ADCY2: variants seen among roughly 807,000 people sequenced by gnomAD.
ADCY2 encodes adenylate cyclase 2, also known as adenylate cyclase type 2.
ADCY2 carries 31 observed loss-of-function variants against 125.2 expected under a neutral mutation model. The observed-to-expected ratio is 0.25, with a 90% CI of 0.19 to 0.33. The LOEUF is 0.33. Ranked by LOEUF, ADCY2 falls within the 10% of genes least tolerant of loss-of-function variation. The pLI, the probability that ADCY2 is intolerant of heterozygous loss-of-function variation, is 1.00. For synonymous variants in ADCY2, 512 were observed against 548.4 expected (o/e 0.93, Z 0.93); for missense variants, 904 against 1,418.2 (o/e 0.64, Z 5.82).
intron 6 of ADCY2, among the ~76,000 whole-genome samples, chr5:7,697,821 G>A (rs939213024): frequency 1.3e-5 from 2 of 152,132 alleles, no homozygotes; most frequent in Admixed American, 1.3e-4. Context: ...GAAACCATAA[G>A]CACAGTAGGG....
chr5:7,732,463 G>A (rs1300410537), intron 14 of ADCY2, among the ~76,000 whole-genome samples: 6 of 152,162 alleles, frequency 3.9e-5, no homozygotes. Flanking sequence ...TTAGTCCCTG[G>A]TTTCTCCTGG....
chr5:7,623,411 A>G (rs540465390), intron 3 of ADCY2, among the ~76,000 whole-genome samples: 1 of 152,334 alleles, frequency 6.6e-6, no homozygotes, highest in African/African-American at 2.4e-5. Context: ...AAGCATATCC[A>G]GCAATGACAA....
chr5:7,733,886 G>A (rs1368237191), intron 14 of ADCY2, among the ~76,000 whole-genome samples: 2 of 152,150 alleles, frequency 1.3e-5, no homozygotes, highest in Non-Finnish European at 2.9e-5. Context: ...GAACCTTCAA[G>A]TGTCCATAAC....
intron 3 of ADCY2, among the ~76,000 whole-genome samples, chr5:7,537,260 A>G (rs896700289): frequency 6.6e-6 from 1 of 152,268 alleles, no homozygotes; most frequent in African/African-American, 2.4e-5. Context: ...TGATTTATAC[A>G]TAATTTAAAA....
intron 4 of ADCY2, among the ~76,000 whole-genome samples, chr5:7,639,151 A>T (rs1043103764): frequency 3.3e-5 from 5 of 152,222 alleles, no homozygotes; most frequent in African/African-American, 1.2e-4. Context: ...GGACTAATAC[A>T]GGTGACAATG....
intron 4 of ADCY2, among the ~76,000 whole-genome samples, chr5:7,661,806 G>T (rs537311670): frequency 6.6e-6 from 1 of 152,286 alleles, no homozygotes; most frequent in East Asian, 1.9e-4. Flanking sequence ...TTATTTGGAA[G>T]ATTTTTAACT....
intron 4 of ADCY2, among the ~76,000 whole-genome samples, chr5:7,647,538 G>T (rs1390618231): frequency 2.0e-5 from 3 of 152,070 alleles, no homozygotes; most frequent in Non-Finnish European, 4.4e-5. Flanking sequence ...CAAAATTCAT[G>T]TACCATACAC....
intron 3 of ADCY2, among the ~76,000 whole-genome samples, chr5:7,532,571 T>A (rs1361830000): frequency 6.6e-6 from 1 of 152,240 alleles, no homozygotes; most frequent in Admixed American, 6.5e-5. Context: ...TTAAGCTTTC[T>A]CCTAGCTTTT....
intron 4 of ADCY2, among the ~76,000 whole-genome samples, chr5:7,641,733 T>C (rs1269317989): frequency 1.3e-5 from 2 of 152,128 alleles, no homozygotes; most frequent in Non-Finnish European, 2.9e-5. Flanking sequence ...TGTCCATGAG[T>C]ACCCAATGTT....
intron 18 of ADCY2, among the ~76,000 whole-genome samples, chr5:7,779,270 G>A (rs1743837687): frequency 1.3e-5 from 2 of 152,160 alleles, no homozygotes; most frequent in Admixed American, 1.3e-4. Context: ...AATGTCCTGT[G>A]GTTTGGACTC....
intron 24 of ADCY2, among the ~76,000 whole-genome samples, chr5:7,823,567 T>G (rs1247440380): frequency 6.6e-6 from 1 of 152,152 alleles, no homozygotes; most frequent in Non-Finnish European, 1.5e-5. Context: ...ACTCCTGCAA[T>G]CCTGGACAAC....
chr5:7,759,641 G>A (rs978547429), intron 16 of ADCY2, among the ~76,000 whole-genome samples: 2 of 152,224 alleles, frequency 1.3e-5, no homozygotes, highest in East Asian at 1.9e-4. Context: ...CCCTCTGGGG[G>A]AGGAGGCCTC....
At chr5:7,413,550 G>C (rs1306265510) in intron 1 of ADCY2, among the ~76,000 whole-genome samples, 1 of 151,654 alleles carries the variant, frequency 6.6e-6, no homozygotes, top group African/African-American at 2.4e-5. Context: ...TGCCCGCCTC[G>C]GCCTCCCAAA....
intron 4 of ADCY2, among the ~76,000 whole-genome samples, chr5:7,679,122 A>C (rs1293680062): frequency 1.3e-5 from 2 of 152,202 alleles, no homozygotes; most frequent in Admixed American, 6.5e-5. Flanking sequence ...GTTGACAGCT[A>C]ACACAGCACA....
intron 12 of ADCY2, among the ~76,000 whole-genome samples, chr5:7,722,311 G>A (rs988078508): frequency 1.3e-5 from 2 of 152,154 alleles, no homozygotes; most frequent in Admixed American, 6.5e-5. Context: ...TAGTAAAGGA[G>A]GTGCTGGTTT....
chr5:7,438,386 C>T (rs145252352), intron 2 of ADCY2, among the ~76,000 whole-genome samples: 45 of 152,230 alleles, frequency 3.0e-4, no homozygotes, highest in Middle Eastern at 6.8e-3. Context: ...TAACATGCAA[C>T]GCATCAGTAA....
At chr5:7,781,448 G>A (rs1743919332) in intron 18 of ADCY2, among the ~76,000 whole-genome samples, 1 of 152,310 alleles carries the variant, frequency 6.6e-6, no homozygotes, top group East Asian at 1.9e-4. Context: ...TAAGGAGATG[G>A]CCAGGTGAAG....
intron 1 of ADCY2, among the ~76,000 whole-genome samples, chr5:7,403,227 T>A (rs1739337134): frequency 6.6e-6 from 1 of 152,156 alleles, no homozygotes; most frequent in Non-Finnish European, 1.5e-5. Flanking sequence ...TGATCTGTGG[T>A]CATTATGAAA....
At chr5:7,587,461 A>G (rs1736668435) in intron 3 of ADCY2, among the ~76,000 whole-genome samples, 1 of 152,206 alleles carries the variant, frequency 6.6e-6, no homozygotes, top group Admixed American at 6.5e-5. Context: ...TCTATTATAA[A>G]TATCATACAT....
Sources: gnomAD v4.1 joint callset for allele counts (sites outside exome capture counted in the v4.1 genomes callset) on GRCh38, gnomAD v4.1.1 for gene constraint, MANE v1.5 for transcripts, NCBI Gene and HGNC (gene_info 2026-07-23, HGNC 2026-07-21) for gene names.